TTYH2: variants seen among roughly 807,000 people sequenced by gnomAD.
TTYH2 encodes the protein tweety family member 2.
A neutral mutation model predicts 68.3 loss-of-function variants in TTYH2; 49 were observed. The ratio of observed to expected loss-of-function variants is 0.72; its 90% CI spans 0.57 to 0.91. TTYH2 has a LOEUF of 0.91. Among genes scored for constraint, TTYH2 ranks in the 40% least tolerant of loss-of-function variants. TTYH2 has a pLI of 0.00. For missense variants in TTYH2, 631 were observed against 700.4 expected (o/e 0.90, Z 1.12); for synonymous variants, 272 against 300.8 (o/e 0.90, Z 0.99).
rs952327262 is a variant in TTYH2 at position 74,217,981 on chromosome 17, G to A, written c.129+4265G>A. On this transcript the variant is annotated intron_variant, in intron 1 of 13. Transcript: ENST00000269346. The surrounding 1 kb of genome is among the most constrained non-coding windows in gnomAD (Gnocchi z 4.0). ...GGCACAGTGGGAGGCGTGGGGAGGCGTGGGAAATTGTCTTGGCAAAGCTCT... is the reference window on the plus strand; with the variant it reads ...GGCACAGTGGGAGGCGTGGGGAGGCATGGGAAATTGTCTTGGCAAAGCTCT... Among the ~76,000 whole-genome samples, 4 of 152,136 alleles carry A rather than the reference G, an allele frequency of 2.6e-5. No individual in the cohort carries two copies. Among genetic ancestry groups the A allele is most frequent in the Admixed American group, 2.0e-4 (3 of 15,266 alleles).
chr17:74,242,824 A>T (rs753782347), intron 4 of TTYH2, among the ~76,000 whole-genome samples: 1 of 152,166 alleles, frequency 6.6e-6, no homozygotes, highest in South Asian at 2.1e-4. Context: ...GGCTATAAAC[A>T]TCAGGCCTTG....
intron 2 of TTYH2, among the ~76,000 whole-genome samples, chr17:74,224,385 T>TACAC (rs71286190): frequency 5.5e-4 from 83 of 150,486 alleles, no homozygotes; most frequent in Non-Finnish European, 9.7e-4. Context: ...CCCTGTCTCT[T>TACAC]ACACACACAC....
chr17:74,237,637 G>GC (rs1422239022), intron 4 of TTYH2, 123 bp downstream of exon 4: 3 of 866,822 alleles, frequency 3.5e-6, no homozygotes, highest in Non-Finnish European at 5.1e-6. Flanking sequence ...TTTTTGTTTT[G>GC]TTTTTTTAAG....
intron 2 of TTYH2, among the ~76,000 whole-genome samples, chr17:74,230,132 A>G (rs928435628): frequency 6.6e-6 from 1 of 152,178 alleles, no homozygotes; most frequent in African/African-American, 2.4e-5. Context: ...CTCTGTCTCA[A>G]AAAAATAAAA....
At chr17:74,234,206 T>G (rs1039905509) in intron 3 of TTYH2, among the ~76,000 whole-genome samples, 3 of 152,204 alleles carry the variant, frequency 2.0e-5, no homozygotes, top group African/African-American at 7.2e-5. Context: ...GTGAGTGAGT[T>G]CCCAGGGGGT....
At chr17:74,252,994 G>A in intron 11 of TTYH2, 87 bp from the exon 12 acceptor site, 2 of 1,430,564 alleles carry the variant, frequency 1.4e-6, no homozygotes, top group Non-Finnish European at 1.9e-6. Context: ...AGTCCTGGGA[G>A]GAAAGGCAGG....
intron 7 of TTYH2, 85 bp downstream of exon 7, chr17:74,249,165 C>A: frequency 6.3e-7 from 1 of 1,589,290 alleles, no homozygotes; most frequent in South Asian, 1.1e-5. Flanking sequence ...GCCCTGTAGC[C>A]ATCCAACCCC....
At chr17:74,248,307 G>T (rs1028119564) in intron 6 of TTYH2, 4 of 985,714 alleles carry the variant, frequency 4.1e-6, no homozygotes, top group East Asian at 2.3e-4. Context: ...CCATGTCCTT[G>T]CTGCCGCCTC....
At position 74,237,293 on chromosome 17, in the gene TTYH2, G is replaced by T; in HGVS notation, c.415-1G>T. ...GGCTTTTGCCCCCTGCTCCTCCCTAGGTTTCCGGAACTACCCAGAAGATGA... is the reference window on the plus strand; with the variant it reads ...GGCTTTTGCCCCCTGCTCCTCCCTATGTTTCCGGAACTACCCAGAAGATGA... On this transcript the variant is annotated splice_acceptor_variant, in intron 3 of 13. Transcript: ENST00000269346. LOFTEE classifies it high-confidence loss of function. 2 of 1,613,950 alleles carry T rather than the reference G, an allele frequency of 1.2e-6. No individual in the cohort carries two copies. The highest frequency in any genetic ancestry group is 1.7e-6 in the Non-Finnish European group (2 of 1,179,928).
intron 12 of TTYH2, 136 bp from the exon 13 acceptor site, chr17:74,253,619 A>G: frequency 2.5e-6 from 2 of 809,388 alleles, no homozygotes; most frequent in Non-Finnish European, 2.1e-6. Context: ...TGCCCACTGC[A>G]CCCCCTCCAC....
intron 3 of TTYH2, among the ~76,000 whole-genome samples, 172 bp downstream of exon 3, chr17:74,231,171 G>A (rs2050385622): frequency 6.6e-6 from 1 of 152,204 alleles, no homozygotes; most frequent in Non-Finnish European, 1.5e-5. Flanking sequence ...GGGCAAATGG[G>A]CAATTGTGCG....
At chr17:74,249,687 G>A (rs1112215) in intron 8 of TTYH2, among the ~76,000 whole-genome samples, 36,099 of 152,044 alleles carry the variant, frequency 0.24, 4,535 homozygotes, top group Middle Eastern at 0.28. Flanking sequence ...GTGAGGCCAG[G>A]GCTGCTGGTC....
At chr17:74,253,335 G>C (rs1465245871) in intron 12 of TTYH2, 69 bp downstream of exon 12, 2 of 1,496,440 alleles carry the variant, frequency 1.3e-6, no homozygotes, top group Non-Finnish European at 1.8e-6. Context: ...GGTCCACAGT[G>C]CCGGGTGTGG....
chr17:74,219,607 T>A (rs2050256492), intron 1 of TTYH2, among the ~76,000 whole-genome samples: 1 of 152,108 alleles, frequency 6.6e-6, no homozygotes, highest in Admixed American at 6.5e-5. Flanking sequence ...GTGATTCACA[T>A]TTCTCTGGCT....
At position 74,250,331 on chromosome 17, in the gene TTYH2, A is replaced by G. The variant is rs1166607795; in HGVS notation, c.1090A>G (p.Met364Val). The G allele has an allele frequency of 2.5e-6, 4 of 1,613,564 alleles. No individual in the cohort carries two copies. In the South Asian group the frequency reaches 3.3e-5, roughly 13 times the overall value. Residue 364 changes from methionine (M) to valine (V), a missense_variant, in exon 10 of 14, where the codon ATG (methionine) becomes GTG (valine). Met to Val is a conservative substitution (Grantham distance 21, BLOSUM62 1). Coordinates refer to ENST00000269346, the MANE Select transcript of TTYH2 (RefSeq NM_032646.6). ...SESSLHQLTA[M>V]VDCRGLHKDY... is the part of the protein sequence containing the mutation. ...GTCCAGCCTTCACCAGCTGACCGCC[A>G]TGGTGGACTGCCGAGGGCTGCACAA...
At chr17:74,238,744 G>A (rs2050469788) in intron 4 of TTYH2, among the ~76,000 whole-genome samples, 1 of 151,842 alleles carries the variant, frequency 6.6e-6, no homozygotes, top group Non-Finnish European at 1.5e-5. Context: ...GCGCATGCCT[G>A]TAATCCCAGC....
In TTYH2 at chr17:74,260,259, G is replaced by T; in HGVS notation, c.*50G>T. The T allele has an allele frequency of 6.4e-7, 1 of 1,572,090 alleles. No individual in the cohort carries two copies. Among genetic ancestry groups the T allele is most frequent in the Non-Finnish European group, 8.7e-7 (1 of 1,143,506 alleles). On this transcript the variant is annotated 3_prime_UTR_variant, in exon 14 of 14. Coordinates refer to ENST00000269346, the MANE Select transcript of TTYH2 (RefSeq NM_032646.6). ...CTTTTTCCGTTCTGGTTTTTAATTAGTGCAAATACAAGCTGCGTTTCTTTA... is the reference window on the plus strand; with the variant it reads ...CTTTTTCCGTTCTGGTTTTTAATTATTGCAAATACAAGCTGCGTTTCTTTA...
At chr17:74,243,223 C>T in intron 4 of TTYH2, 151 bp from the exon 5 acceptor site, 1 of 660,478 alleles carries the variant, frequency 1.5e-6, no homozygotes, top group Admixed American at 2.5e-5. Flanking sequence ...GAGGCTTCAG[C>T]CCACGCATGC....
In TTYH2 at chr17:74,232,166, C is replaced by T. The variant is rs1239468172; in HGVS notation, c.414+1167C>T. On this transcript the variant is annotated intron_variant, in intron 3 of 13. Transcript: ENST00000269346. This position sits in a 1 kb window ranked among gnomAD's most constrained non-coding sequence, Gnocchi z 5.1. ...CAACAGGAGAATTTGGCCATTGCCCCGGCATCCTCCAGAAGAGGATTGGAC... is the reference window on the plus strand; with the variant it reads ...CAACAGGAGAATTTGGCCATTGCCCTGGCATCCTCCAGAAGAGGATTGGAC... Among the ~76,000 whole-genome samples, 4 of 152,346 alleles carry T rather than the reference C, an allele frequency of 2.6e-5. No individual in the cohort carries two copies. Among genetic ancestry groups the T allele is most frequent in the East Asian group, 1.9e-4 (1 of 5,182 alleles).
Sources: allele counts gnomAD v4.1 joint callset (sites outside exome capture counted in the v4.1 genomes callset), GRCh38; gene constraint gnomAD v4.1.1; non-coding constraint Gnocchi (gnomAD v3.1); transcripts MANE v1.5; gene names NCBI Gene and HGNC (gene_info 2026-07-23, HGNC 2026-07-21).